EDA: variants seen among roughly 807,000 people sequenced by gnomAD.
EDA encodes ectodysplasin A.
Under a neutral mutation model 23.6 loss-of-function variants are expected in EDA, and 2 were observed. That is an observed-to-expected ratio of 0.08 (90% CI 0.03 to 0.27). The LOEUF (loss-of-function observed/expected upper bound fraction) is 0.27. EDA is among the 10% of genes least tolerant of loss of function. EDA has a pLI of 1.00. For synonymous variants in EDA, 131 were observed against 132.0 expected, an observed-to-expected ratio of 0.99 and a Z score of 0.05; for missense variants, 229 against 324.2, an observed-to-expected ratio of 0.71 and a Z score of 2.26.
At chrX:70,032,126 G>A (rs764998860) in intron 6 of EDA, among the ~76,000 whole-genome samples, 5 of 111,312 alleles carry the variant, frequency 4.5e-5, no homozygotes, top group African/African-American at 1.6e-4. Flanking sequence ...GGGCATAGTG[G>A]CACACACCTG....
chrX:69,922,227 T>C (rs1487786474), intron 1 of EDA, among the ~76,000 whole-genome samples: 1 of 112,583 alleles, frequency 8.9e-6, no homozygotes, highest in Non-Finnish European at 1.9e-5. Context: ...TCTTGGTTGC[T>C]TCTAATTTTG....
At chrX:69,919,916 TAA>T (rs984716305) in intron 1 of EDA, among the ~76,000 whole-genome samples, 1 of 111,861 alleles carries the variant, frequency 8.9e-6, no homozygotes, top group African/African-American at 3.2e-5. Context: ...AACTGCAGGC[TAA>T]GTTATTTGGC....
chrX:70,009,846 C>T (rs991748348), intron 2 of EDA, among the ~76,000 whole-genome samples: 1 of 111,751 alleles, frequency 8.9e-6, no homozygotes, highest in Admixed American at 9.5e-5. Context: ...CTCAGCTTCC[C>T]GAAGTGCTAC....
intron 2 of EDA, among the ~76,000 whole-genome samples, chrX:70,011,082 C>G (rs1455673342): frequency 2.7e-5 from 3 of 111,140 alleles, no homozygotes; most frequent in Non-Finnish European, 5.7e-5. Context: ...TTCTGCCTTC[C>G]CTGATTTTAA....
At chrX:69,847,627 A>G (rs1313416979) in intron 1 of EDA, among the ~76,000 whole-genome samples, 1 of 112,114 alleles carries the variant, frequency 8.9e-6, no homozygotes, top group Non-Finnish European at 1.9e-5. Context: ...TGCTGCATGC[A>G]TCAATAGCTC....
intron 1 of EDA, among the ~76,000 whole-genome samples, chrX:69,689,512 T>C (rs962786153): frequency 9.1e-6 from 1 of 109,645 alleles, no homozygotes; most frequent in Non-Finnish European, 1.9e-5. Context: ...ATTTTTGTAT[T>C]TTTTAGTAGA....
intron 2 of EDA, among the ~76,000 whole-genome samples, chrX:69,978,674 C>A (rs1022277326): frequency 1.8e-5 from 2 of 110,747 alleles, no homozygotes; most frequent in Admixed American, 1.9e-4. Context: ...CAAAAAGAAA[C>A]CCTTTAGCTA....
intron 1 of EDA, among the ~76,000 whole-genome samples, chrX:69,679,631 A>G (rs1331884839): frequency 9.0e-6 from 1 of 111,317 alleles, no homozygotes; most frequent in South Asian, 3.8e-4. Flanking sequence ...GTATTCTCTG[A>G]TGGTAGTTTG....
rs777679149 is a variant in EDA, at chrX:69,644,088, C to G, written c.396+27384C>G. Among the ~76,000 whole-genome samples, 26 of 109,122 alleles carry G rather than the reference C, an allele frequency of 2.4e-4. No homozygotes were observed. In the South Asian group the frequency reaches 9.5e-3, roughly 40 times the overall value. The allele number at this position is 109,122 out of a possible 115,157, so 94.8% of individuals were successfully genotyped here. On this transcript the variant is annotated intron_variant, in intron 1 of 7. Transcript: ENST00000374552. The stretch of plus-strand genomic sequence containing the variant: ...TAGGATTGTCTTGGCTATTTGGGCT[C>G]TTTTTTGGTTCTATATAAATTTTAA...
chrX:70,019,483 G>A (rs751640917), intron 2 of EDA, among the ~76,000 whole-genome samples: 5 of 111,544 alleles, frequency 4.5e-5, no homozygotes, highest in Admixed American at 1.9e-4. Flanking sequence ...GAAAATGTAC[G>A]TACATGTCAT....
At chrX:69,892,243 C>T (rs1486016811) in intron 1 of EDA, among the ~76,000 whole-genome samples, 1 of 111,956 alleles carries the variant, frequency 8.9e-6, no homozygotes, top group East Asian at 2.8e-4. Context: ...AGGAGAGTTT[C>T]AGGTATAAAT....
intron 1 of EDA, among the ~76,000 whole-genome samples, chrX:69,810,394 G>A (rs2015924997): frequency 9.5e-6 from 1 of 104,726 alleles, no homozygotes; most frequent in Non-Finnish European, 1.9e-5. Flanking sequence ...TCTTCCTCCA[G>A]AGAGTTGCAA....
chrX:69,951,123 T>G (rs2018919329), intron 1 of EDA, among the ~76,000 whole-genome samples: 2 of 107,040 alleles, frequency 1.9e-5, no homozygotes, highest in Admixed American at 2.0e-4. Context: ...AAAAAAGATA[T>G]GAAAGTCTCT....
intron 1 of EDA, among the ~76,000 whole-genome samples, chrX:69,736,992 G>A (rs1182749602): frequency 9.1e-6 from 1 of 109,502 alleles, no homozygotes; most frequent in Non-Finnish European, 1.9e-5. Context: ...GGCTGGTCTC[G>A]AACTTCTGAC....
At chrX:69,813,764 T>G (rs1441497579) in intron 1 of EDA, among the ~76,000 whole-genome samples, 1 of 110,117 alleles carries the variant, frequency 9.1e-6, no homozygotes, top group African/African-American at 3.3e-5. Flanking sequence ...GTTTCCTTTT[T>G]CTCTCAACCT....
At position 69,947,584 on chromosome X, in the gene EDA, G is replaced by A. The variant is rs756602066; in HGVS notation, c.397-9443G>A. On this transcript the variant is annotated intron_variant, in intron 1 of 7. Transcript: ENST00000374552. Reference sequence around the variant, plus strand: ...AAGCTCACCATACCAAAGATGCTTTGGTTTCCTTCTGCCATTGTATTTCTA... The same window carrying A: ...AAGCTCACCATACCAAAGATGCTTTAGTTTCCTTCTGCCATTGTATTTCTA... Among the ~76,000 whole-genome samples the A allele has an allele frequency of 2.0e-4, 22 of 111,899 alleles. No individual in the cohort carries two copies. The South Asian group carries it at 8.2e-3, about 42-fold the overall frequency.
chrX:69,683,167 A>C, intron 1 of EDA, among the ~76,000 whole-genome samples: 1 of 111,366 alleles, frequency 9.0e-6, no homozygotes, highest in East Asian at 2.8e-4. Context: ...CAACATGTTA[A>C]GTACTCTAAT....
intron 1 of EDA, among the ~76,000 whole-genome samples, chrX:69,862,905 A>AGGGAAATATGCAG (rs1334659871): frequency 9.0e-6 from 1 of 111,142 alleles, no homozygotes; most frequent in Non-Finnish European, 1.9e-5. Context: ...ACAAGAAGCC[A>AGGGAAATATGCAG]GGGAAATATG....
At chrX:69,947,110 C>T (rs2018844329) in intron 1 of EDA, among the ~76,000 whole-genome samples, 1 of 112,064 alleles carries the variant, frequency 8.9e-6, no homozygotes. Context: ...TCTTTATGTG[C>T]CAAAGCACCT....
Sources: allele counts gnomAD v4.1 joint callset (sites outside exome capture counted in the v4.1 genomes callset), GRCh38; gene constraint gnomAD v4.1.1; transcripts MANE v1.5; gene names NCBI Gene and HGNC (gene_info 2026-07-23, HGNC 2026-07-21).